MMRN2: variants seen among roughly 807,000 people sequenced by gnomAD.
The protein encoded by MMRN2 is multimerin 2, also known as multimerin-2.
A neutral mutation model predicts 68.8 loss-of-function variants in MMRN2; 53 were observed. The observed-to-expected ratio is 0.77, with a 90% CI of 0.62 to 0.97. The LOEUF is 0.97. Among genes scored for constraint, MMRN2 ranks in the 50% least tolerant of loss-of-function variants. The pLI is 0.00. For missense variants in MMRN2, 1,266 were observed against 1,259.5 expected (o/e 1.01, Z -0.08); for synonymous variants, 564 against 551.6 (o/e 1.02, Z -0.32).
rs769816445 is a variant in MMRN2 at position 86,939,806 on chromosome 10, GGTGTGTGTGTGTGTGTGTGTGTGT to G, written c.2467+2487_2467+2510del. Among the ~76,000 whole-genome samples, 58 of 146,724 alleles carry G rather than the reference GGTGTGTGTGTGTGTGTGTGTGTGT, an allele frequency of 4.0e-4. No homozygotes were observed. In the South Asian group the frequency reaches 0.012, roughly 31 times the overall value. ...TACAAACAAATAAAGGGAAATTTGG[GGTGTGTGTGTGTGTGTGTGTGTGT>G]GTGTGTGTTTGTGTGTGTGTGTGTG... On this transcript the variant is annotated intron_variant, in intron 6 of 6. Coordinates refer to ENST00000372027, the MANE Select transcript of MMRN2 (RefSeq NM_024756.3).
rs1027483963 is a variant in MMRN2 at position 86,936,535 on chromosome 10, C to T, written c.*208G>A. On this transcript the variant is annotated 3_prime_UTR_variant, in exon 7 of 7. Coordinates refer to ENST00000372027, the MANE Select transcript of MMRN2 (RefSeq NM_024756.3). ...AGGCTTCCTAGGACCATGTCCTGCC[C>T]GGAGAAGCATTCCAGTCCTTCTCAT... is the stretch of plus-strand genomic sequence containing the variant. 21 of 628,726 alleles carry T rather than the reference C, an allele frequency of 3.3e-5. No homozygotes were observed. The highest frequency in any genetic ancestry group is 7.3e-5 in the African/African-American group (4 of 54,494). The allele number at this position is 628,726 out of a possible 1,614,324, so 38.9% of individuals were successfully genotyped here.
intron 1 of MMRN2, among the ~76,000 whole-genome samples, chr10:86,952,359 C>G (rs1260647776): frequency 6.6e-6 from 1 of 152,222 alleles, no homozygotes; most frequent in African/African-American, 2.4e-5. Flanking sequence ...CAGACATCCA[C>G]CTGGGGCCCC....
chr10:86,957,465 C>G lies in MMRN2; in HGVS notation c.77G>C (p.Ser26Thr). ...GLLGAWAQAS[S>T]TSLSDLQSSR... ...GCTCTGCAGATCAGAGAGGCTAGTA[C>G]TGGAAGCCTGGGCCCATGCCCCCAG... Residue 26 changes from serine to threonine, a missense_variant, in exon 1 of 7, where the codon AGT (serine) becomes ACT (threonine). Ser to Thr is a moderately conservative substitution (Grantham distance 58). Transcript: ENST00000372027. The G allele has an allele frequency of 6.2e-7, 1 of 1,613,504 alleles. No homozygotes were observed.
chr10:86,941,980 G>A (rs898285233), intron 6 of MMRN2, among the ~76,000 whole-genome samples: 3 of 152,014 alleles, frequency 2.0e-5, no homozygotes, highest in Non-Finnish European at 4.4e-5. Context: ...GATGAGATGG[G>A]GGGACTTGAA....
rs1041953092 is a variant in MMRN2 at position 86,935,887 on chromosome 10, G to A, written c.*856C>T. On this transcript the variant is annotated 3_prime_UTR_variant, in exon 7 of 7. Coordinates refer to ENST00000372027, the MANE Select transcript of MMRN2 (RefSeq NM_024756.3). ...ATTGACTCACTGTTCCACATGGCTG[G>A]GGAGGCCTCAGGAAACTTACAATCA... 1 of 152,322 alleles carries A rather than the reference G, an allele frequency of 6.6e-6. No homozygotes were observed. The highest frequency in any genetic ancestry group is 1.5e-5 in the Non-Finnish European group (1 of 68,170). 9.4% of individuals were successfully genotyped at this position (152,322 alleles called of 1,614,324 possible). A position where few individuals can be genotyped will look rare whatever the true frequency, so the allele number is the denominator to read the frequency against.
At chr10:86,941,336 C>T (rs1409115150) in intron 6 of MMRN2, among the ~76,000 whole-genome samples, 1 of 152,036 alleles carries the variant, frequency 6.6e-6, no homozygotes, top group Non-Finnish European at 1.5e-5. Context: ...CATACCTATG[C>T]CAAAGTTTAA....
At chr10:86,950,321 C>T (rs2133684607) in intron 1 of MMRN2, among the ~76,000 whole-genome samples, 1 of 152,030 alleles carries the variant, frequency 6.6e-6, no homozygotes, top group East Asian at 1.9e-4. Context: ...GCCTGGGTGA[C>T]AGTGAGAGAC....
In MMRN2 at chr10:86,943,020, C is replaced by T. The variant is rs369374580; in HGVS notation, c.1764G>A (p.Glu588=). The change falls in exon 6 of 7, where the codon GAG becomes GAA. Residue 588 remains glutamate (E), a synonymous_variant. Transcript: ENST00000372027. This position sits in a 1 kb window ranked among gnomAD's most constrained non-coding sequence, Gnocchi z 4.2. ...LKAAAAEARH[E]VRQLHSAFAA... Reference sequence around the variant, plus strand: ...CGAAGGCGCTGTGCAGCTGGCGCACCTCGTGGCGGGCCTCGGCCGCGGCCG... The same window carrying T: ...CGAAGGCGCTGTGCAGCTGGCGCACTTCGTGGCGGGCCTCGGCCGCGGCCG... 248 of 1,374,074 alleles carry T rather than the reference C, an allele frequency of 1.8e-4. 2 individuals are homozygous for T. In the East Asian group the frequency reaches 3.6e-3, roughly 20 times the overall value. 85.1% of individuals were successfully genotyped at this position (1,374,074 alleles called of 1,614,324 possible).
intron 6 of MMRN2, among the ~76,000 whole-genome samples, chr10:86,939,839 TTGTG>T (rs1179394300): frequency 5.8e-5 from 7 of 120,368 alleles, no homozygotes; most frequent in South Asian, 2.9e-4. Flanking sequence ...GTGTGTGTGT[TTGTG>T]TGTGTGTGTG....
chr10:86,952,264 G>A (rs1844155292), intron 1 of MMRN2, among the ~76,000 whole-genome samples: 1 of 152,138 alleles, frequency 6.6e-6, no homozygotes. Flanking sequence ...AAGGAAGGAA[G>A]GAATGCTCAC....
chr10:86,951,448 G>A (rs895120519), intron 1 of MMRN2, among the ~76,000 whole-genome samples: 1 of 152,234 alleles, frequency 6.6e-6, no homozygotes, highest in Non-Finnish European at 1.5e-5. Context: ...AGGGCCTTGT[G>A]TGTGACTGCA....
At chr10:86,939,687 C>G (rs1178505735) in intron 6 of MMRN2, among the ~76,000 whole-genome samples, 2 of 151,482 alleles carry the variant, frequency 1.3e-5, no homozygotes, top group Admixed American at 6.6e-5. Flanking sequence ...CCCAACCCAG[C>G]CTTGCGCCTG....
chr10:86,957,310 C>T (rs1164183713), intron 1 of MMRN2, 68 bp downstream of exon 1: 6 of 1,535,526 alleles, frequency 3.9e-6, no homozygotes, highest in African/African-American at 1.4e-5. Context: ...TCTAGAGAGG[C>T]TCTGCTCTAG....
At position 86,938,598 on chromosome 10, in the gene MMRN2, C is replaced by T. The variant is rs368852310; in HGVS notation, c.2468-1473G>A. Among the ~76,000 whole-genome samples, 4 of 152,322 alleles carry T rather than the reference C, an allele frequency of 2.6e-5. No homozygotes were observed. In the East Asian group the frequency reaches 5.8e-4, roughly 22 times the overall value. ...CCTGGCTGTGACACTGGCCTTGGCA[C>T]CAACGAGGTCATGTCCACCATGGGG... is the stretch of plus-strand genomic sequence containing the variant. On this transcript the variant is annotated intron_variant, in intron 6 of 6. Coordinates refer to ENST00000372027, the MANE Select transcript of MMRN2 (RefSeq NM_024756.3).
intron 1 of MMRN2, chr10:86,945,921 G>C: frequency 8.3e-7 from 1 of 1,212,054 alleles, no homozygotes. Context: ...AAGCCTCCCC[G>C]AGCCAGCAGA....
chr10:86,942,433 T>C lies in MMRN2; in HGVS notation c.2351A>G (p.Gln784Arg). ...CCGGGGAGCTTCCAGGTCTTTCTGC[T>C]GCTTCTTCCCTTTCCTGCTCAGCAT... The part of the protein sequence containing the change: ...QTMLSRKGKK[Q>R]QKDLEAPRKR... Residue 784 changes from glutamine to arginine, a missense_variant, in exon 6 of 7, where the codon CAG (glutamine) becomes CGG (arginine). Physicochemically the swap from Gln to Arg is conservative, Grantham distance 43. Coordinates refer to ENST00000372027, the MANE Select transcript of MMRN2 (RefSeq NM_024756.3). The C allele has an allele frequency of 6.2e-7, 1 of 1,614,244 alleles. No homozygotes were observed. The highest frequency in any genetic ancestry group is 8.5e-7 in the Non-Finnish European group (1 of 1,180,034).
chr10:86,942,586 A>C lies in MMRN2; in HGVS notation c.2198T>G (p.Leu733Arg), dbSNP rs1329191218. ...CTGAGTGGCGAAGAGTGCGTTGTGG[A>C]GGCCGTGAAGGGAGGCGTTGAGGGA... ...AASLNASLHG[L>R]HNALFATQRS... The change falls in exon 6 of 7, where the codon CTC (leucine) becomes CGC (arginine). Residue 733 changes from leucine to arginine, a missense_variant. By Grantham distance (102) the Leu-to-Arg change is moderately radical. Transcript: ENST00000372027. The C allele has an allele frequency of 6.2e-7, 1 of 1,611,370 alleles. No homozygotes were observed. Among genetic ancestry groups the C allele is most frequent in the Admixed American group, 1.7e-5 (1 of 60,014 alleles).
At chr10:86,956,523 G>GGGGGCT (rs1290351597) in intron 1 of MMRN2, among the ~76,000 whole-genome samples, 4 of 152,244 alleles carry the variant, frequency 2.6e-5, no homozygotes, top group Non-Finnish European at 5.9e-5. Flanking sequence ...AGGAGCATCT[G>GGGGGCT]GGGGCTGGGG....
rs1266537824 is a variant in MMRN2 at position 86,957,545 on chromosome 10, G to C, written c.-4C>G. ...TGAACAGCAAGCTCAGGATCATCTT[G>C]GTGGTGGGGCAGGCTCAGCTCACAC... On this transcript the variant is annotated 5_prime_UTR_variant, in exon 1 of 7. Transcript: ENST00000372027. 13 of 1,605,104 alleles carry C rather than the reference G, an allele frequency of 8.1e-6. No individual in the cohort carries two copies. The highest frequency in any genetic ancestry group is 1.0e-5 in the Non-Finnish European group (12 of 1,176,210).
Sources: gnomAD v4.1 joint callset for allele counts (sites outside exome capture counted in the v4.1 genomes callset) on GRCh38, gnomAD v4.1.1 for gene constraint, Gnocchi (gnomAD v3.1) non-coding constraint, MANE v1.5 for transcripts, NCBI Gene and HGNC (gene_info 2026-07-23, HGNC 2026-07-21) for gene names.